Variants in CAST observed in about 807,000 individuals in gnomAD.
CAST encodes calpastatin.
A neutral mutation model predicts 119.6 loss-of-function variants in CAST; 76 were observed. That is an observed-to-expected ratio of 0.64 (90% CI 0.53 to 0.77). The LOEUF is 0.77. Ranked by LOEUF, CAST falls within the 30% of genes least tolerant of loss-of-function variation. CAST has a pLI of 0.00. For synonymous variants in CAST, 319 were observed against 331.6 expected (o/e 0.96, Z 0.41); for missense variants, 953 against 946.5 (o/e 1.01, Z -0.09).
chr5:96,429,033 CTTG>C, the CAST span, among the ~76,000 whole-genome samples: 5 of 151,908 alleles, frequency 3.3e-5, no homozygotes, highest in African/African-American at 1.2e-4. Context: ...TCAACCCAAT[CTTG>C]TTATTATTAT....
intron 1 of CAST, among the ~76,000 whole-genome samples, chr5:96,576,506 G>A (rs1213610536): frequency 5.9e-5 from 9 of 151,746 alleles, no homozygotes; most frequent in African/African-American, 1.9e-4. Flanking sequence ...CACCATGCCC[G>A]GCTAATTTTT....
At chr5:96,537,052 C>T (rs7736659) in intron 1 of CAST, among the ~76,000 whole-genome samples, 94,128 of 152,052 alleles carry the variant, frequency 0.62, 29,439 homozygotes, top group East Asian at 0.87. Flanking sequence ...TGGAGAAATA[C>T]AAATACGACT....
intron 9 of CAST, among the ~76,000 whole-genome samples, chr5:96,734,751 G>C (rs1464273496): frequency 6.6e-6 from 1 of 152,112 alleles, no homozygotes; most frequent in Non-Finnish European, 1.5e-5. Flanking sequence ...AAGTTCCCTG[G>C]GTACCATTGG....
At chr5:96,086,800 T>C in the CAST span, among the ~76,000 whole-genome samples, 1 of 152,182 alleles carries the variant, frequency 6.6e-6, no homozygotes, top group Non-Finnish European at 1.5e-5. Context: ...CATGAGATGG[T>C]TAGCCCTACC....
the CAST span, chr5:96,391,916 T>C: frequency 6.6e-6 from 1 of 152,208 alleles, no homozygotes; most frequent in African/African-American, 2.4e-5. Flanking sequence ...TTAGGAGCAA[T>C]TTGGTGAGAA....
At chr5:96,396,183 TC>T in the CAST span, among the ~76,000 whole-genome samples, 5 of 152,234 alleles carry the variant, frequency 3.3e-5, 1 homozygote, top group Admixed American at 3.3e-4. Flanking sequence ...AAAGCTATCC[TC>T]AGAGAAAAAA....
upstream of CAST, among the ~76,000 whole-genome samples, chr5:96,522,712 G>C (rs1336662519): frequency 1.3e-5 from 2 of 152,084 alleles, no homozygotes; most frequent in Non-Finnish European, 2.9e-5. Flanking sequence ...GGTATTTCTG[G>C]AGGGTCCCCA....
At chr5:96,615,506 C>T (rs1747434818) in intron 1 of CAST, among the ~76,000 whole-genome samples, 1 of 152,152 alleles carries the variant, frequency 6.6e-6, no homozygotes, top group Non-Finnish European at 1.5e-5. Context: ...CCAATGGCAA[C>T]AGGGAGAATG....
At chr5:96,081,782 T>C in the CAST span, among the ~76,000 whole-genome samples, 1 of 152,168 alleles carries the variant, frequency 6.6e-6, no homozygotes, top group African/African-American at 2.4e-5. Flanking sequence ...ATTGTTAAAG[T>C]TAAGATACTT....
the CAST span, among the ~76,000 whole-genome samples, chr5:96,465,442 G>C: frequency 6.6e-6 from 1 of 152,044 alleles, no homozygotes; most frequent in Non-Finnish European, 1.5e-5. Flanking sequence ...ATGTGAAATG[G>C]AAGTGTTGGT....
At chr5:96,562,587 A>T (rs1746400849) in intron 1 of CAST, among the ~76,000 whole-genome samples, 1 of 152,170 alleles carries the variant, frequency 6.6e-6, no homozygotes, top group Non-Finnish European at 1.5e-5. Flanking sequence ...AATTATCAAA[A>T]TTACATGTAC....
intron 2 of CAST, among the ~76,000 whole-genome samples, chr5:96,679,902 A>G (rs924118531): frequency 2.0e-5 from 3 of 152,124 alleles, no homozygotes; most frequent in African/African-American, 7.2e-5. Context: ...CGCTTAAACT[A>G]CTGCTCTAAA....
intron 1 of CAST, among the ~76,000 whole-genome samples, chr5:96,641,812 G>C (rs1414292694): frequency 2.0e-5 from 3 of 152,116 alleles, no homozygotes; most frequent in African/African-American, 4.8e-5. Context: ...CCACTTTCCT[G>C]CATGCTCACA....
chr5:95,963,113 G>C, the CAST span, among the ~76,000 whole-genome samples: 1 of 152,176 alleles, frequency 6.6e-6, no homozygotes. Context: ...TCAAACTGTT[G>C]AAAGGCAGTT....
chr5:96,461,781 TATC>T, the CAST span, among the ~76,000 whole-genome samples: 3 of 152,150 alleles, frequency 2.0e-5, no homozygotes, highest in South Asian at 4.1e-4. Flanking sequence ...TTTTAATACT[TATC>T]ATAGGCACAA....
chr5:96,175,837 G>C, the CAST span, among the ~76,000 whole-genome samples: 6 of 152,150 alleles, frequency 3.9e-5, no homozygotes, highest in Non-Finnish European at 8.8e-5. Context: ...AATACATCCT[G>C]GTTATTTTTC....
intron 4 of CAST, among the ~76,000 whole-genome samples, chr5:96,723,834 A>G (rs1758746939): frequency 6.6e-6 from 1 of 152,222 alleles, no homozygotes; most frequent in African/African-American, 2.4e-5. Flanking sequence ...CTTGTTTAAA[A>G]TTACCAACCT....
At chr5:96,516,436 T>C in the CAST span, among the ~76,000 whole-genome samples, 1 of 152,204 alleles carries the variant, frequency 6.6e-6, no homozygotes, top group Non-Finnish European at 1.5e-5. Flanking sequence ...TTAATTACTA[T>C]GGAACAAAGA....
chr5:96,572,092 G>A lies in CAST; in HGVS notation c.60+42212G>A, dbSNP rs192379703. Among the ~76,000 whole-genome samples the A allele has an allele frequency of 4.7e-3, 715 of 152,290 alleles. 5 individuals are homozygous for A. The highest frequency in any genetic ancestry group is 6.1e-3 in the Non-Finnish European group (416 of 68,026). ...AAGTGTTGCTTTCATCTGATTGACA[G>A]ATGTAGAAAATGAGACTCAGAGAGG... On this transcript the variant is annotated intron_variant, in intron 1 of 11. Transcript: ENST00000505143.
Sources: gnomAD v4.1 joint callset for allele counts (sites outside exome capture counted in the v4.1 genomes callset) on GRCh38, gnomAD v4.1.1 for gene constraint, MANE v1.5 for transcripts, NCBI Gene and HGNC (gene_info 2026-07-23, HGNC 2026-07-21) for gene names.